The following IQCK variants were observed in gnomAD, a reference collection of about 807,000 sequenced individuals.
IQCK encodes the protein IQ motif containing K.
IQCK carries 29 observed loss-of-function variants against 28.1 expected under a neutral mutation model. That is an observed-to-expected ratio of 1.03 (90% CI 0.77 to 1.41). The LOEUF is 1.41. IQCK is among the 40% of genes most tolerant of loss of function. The pLI, the probability that IQCK is intolerant of heterozygous loss-of-function variation, is 0.00. For missense variants in IQCK, 359 were observed against 314.7 expected (o/e 1.14, Z -1.07); for synonymous variants, 113 against 115.1 (o/e 0.98, Z 0.12).
chr16:19,854,871 A>G (rs970848598), intron 9 of IQCK, among the ~76,000 whole-genome samples: 3 of 152,192 alleles, frequency 2.0e-5, no homozygotes, highest in Admixed American at 6.5e-5. Context: ...CTAGAAGCAC[A>G]TAGGGTTTTC....
At chr16:19,720,824 C>T (rs1452865958) in intron 1 of IQCK, among the ~76,000 whole-genome samples, 1 of 152,088 alleles carries the variant, frequency 6.6e-6, no homozygotes, top group African/African-American at 2.4e-5. Flanking sequence ...GGAGACTAGC[C>T]TGGCCAACAT....
At chr16:19,728,698 A>G (rs1977735707) in intron 1 of IQCK, among the ~76,000 whole-genome samples, 1 of 152,212 alleles carries the variant, frequency 6.6e-6, no homozygotes, top group Admixed American at 6.5e-5. Flanking sequence ...CTCCTGACTC[A>G]GGGGAATTAT....
At chr16:19,751,077 C>T (rs570717263) in intron 4 of IQCK, among the ~76,000 whole-genome samples, 2 of 152,134 alleles carry the variant, frequency 1.3e-5, no homozygotes, top group African/African-American at 4.8e-5. Context: ...ATGCTGTGAG[C>T]CTCAGTTTTC....
intron 4 of IQCK, among the ~76,000 whole-genome samples, chr16:19,763,211 A>G (rs938315422): frequency 6.6e-6 from 1 of 152,226 alleles, no homozygotes; most frequent in Non-Finnish European, 1.5e-5. Context: ...TATGTATTAT[A>G]TACTATAGTC....
At chr16:19,827,914 CTTCTT>C (rs1207872268), downstream of IQCK, among the ~76,000 whole-genome samples, 2 of 151,798 alleles carry the variant, frequency 1.3e-5, no homozygotes, top group Non-Finnish European at 2.9e-5. Flanking sequence ...GAGCCGATAT[CTTCTT>C]TTTTTTTTTT....
intron 6 of IQCK, among the ~76,000 whole-genome samples, chr16:19,773,994 A>G (rs963866641): frequency 2.6e-5 from 4 of 152,176 alleles, no homozygotes; most frequent in African/African-American, 9.7e-5. Context: ...AAGTCATGGT[A>G]TTGCGGGGGT....
At chr16:19,808,264 G>A (rs995326426) in intron 7 of IQCK, among the ~76,000 whole-genome samples, 1 of 152,184 alleles carries the variant, frequency 6.6e-6, no homozygotes, top group African/African-American at 2.4e-5. Context: ...CTGGGTTAGA[G>A]CTGCAAGTGT....
At chr16:19,719,115 G>C (rs1440063811) in intron 1 of IQCK, among the ~76,000 whole-genome samples, 1 of 152,014 alleles carries the variant, frequency 6.6e-6, no homozygotes, top group Non-Finnish European at 1.5e-5. Flanking sequence ...CTGCAAAGTG[G>C]GCATAATAAT....
intron 4 of IQCK, among the ~76,000 whole-genome samples, chr16:19,746,074 C>T (rs2054907016): frequency 6.8e-6 from 1 of 146,510 alleles, no homozygotes; most frequent in Admixed American, 7.1e-5. Context: ...GAGGCTGAGG[C>T]ATGAGAATCA....
At position 19,835,493 on chromosome 16, in the gene IQCK, G is replaced by A. The variant is rs115898722; in HGVS notation, c.802+8356G>A. 6.1e-3 allele frequency among the ~76,000 whole-genome samples: 925 copies of A among 152,066 alleles called. 12 individuals carry two copies. The highest frequency in any genetic ancestry group is 0.021 in the African/African-American group (869 of 41,488). On this transcript the variant is annotated intron_variant, in intron 9 of 9. Coordinates refer to the IQCK transcript ENST00000320394. ...TTTTGTAAAACCAATTCCTATGAAT[G>A]GATAGTTGGCTTGTATTATGAACAA...
At chr16:19,792,950 G>A (rs2055638790) in intron 7 of IQCK, among the ~76,000 whole-genome samples, 1 of 115,576 alleles carries the variant, frequency 8.7e-6, no homozygotes, top group Non-Finnish European at 1.5e-5. Flanking sequence ...TTAAACCAGA[G>A]ATCATCTCAA....
intron 2 of IQCK, among the ~76,000 whole-genome samples, chr16:19,732,290 G>A (rs1238413883): frequency 7.9e-5 from 12 of 152,226 alleles, no homozygotes; most frequent in Middle Eastern, 6.8e-3. Context: ...ACAGTATCAC[G>A]GCTGATGTGG....
chr16:19,826,885 C>T (rs903197099), intron 7 of IQCK, 141 bp from the exon 8 acceptor site: 13 of 653,212 alleles, frequency 2.0e-5, no homozygotes, highest in Non-Finnish European at 3.6e-5. Context: ...CTAGGAGTGT[C>T]AATAATTCAT....
chr16:19,718,559 C>T, intron 1 of IQCK, 72 bp downstream of exon 1: 2 of 1,358,354 alleles, frequency 1.5e-6, no homozygotes, highest in Non-Finnish European at 1.9e-6. Flanking sequence ...GGGGAGCGCC[C>T]ACTGTGCGCC....
At chr16:19,802,161 A>AT (rs879393232) in intron 7 of IQCK, among the ~76,000 whole-genome samples, 29 of 57,802 alleles carry the variant, frequency 5.0e-4, no homozygotes, top group South Asian at 2.2e-3. Context: ...ACAAAGACTT[A>AT]TTTTTTTTTT....
At chr16:19,733,512 CAG>C (rs927722497) in intron 2 of IQCK, among the ~76,000 whole-genome samples, 184 bp from the exon 3 acceptor site, 9 of 152,262 alleles carry the variant, frequency 5.9e-5, no homozygotes, top group Admixed American at 4.6e-4. Context: ...TTTTCTCTAT[CAG>C]GGGTTTCTGC....
chr16:19,829,589 G>A (rs537520049), downstream of IQCK, among the ~76,000 whole-genome samples: 14 of 151,938 alleles, frequency 9.2e-5, no homozygotes, highest in South Asian at 4.2e-4. Flanking sequence ...CTCCTTCCTC[G>A]GCCTCCCAAA....
At chr16:19,729,940 G>A (rs9935682) in intron 1 of IQCK, among the ~76,000 whole-genome samples, 2,811 of 151,362 alleles carry the variant, frequency 0.019, 69 homozygotes, top group African/African-American at 0.064. Context: ...CACCACGCCC[G>A]GCCTATTTTA....
intron 6 of IQCK, among the ~76,000 whole-genome samples, chr16:19,784,793 G>C (rs1303580385): frequency 1.3e-5 from 2 of 152,188 alleles, no homozygotes; most frequent in Non-Finnish European, 2.9e-5. Flanking sequence ...TTTTGAGATG[G>C]AGTCTTGCTC....
Sources: allele counts gnomAD v4.1 joint callset (sites outside exome capture counted in the v4.1 genomes callset), GRCh38; gene constraint gnomAD v4.1.1; transcripts MANE v1.5; gene names NCBI Gene and HGNC (gene_info 2026-07-23, HGNC 2026-07-21).